SH3GL1: variants seen among roughly 807,000 people sequenced by gnomAD.
SH3GL1 encodes the protein endophilin-A2.
SH3GL1 carries 21 observed loss-of-function variants against 48.8 expected under a neutral mutation model. The observed-to-expected ratio is 0.43, with a 90% CI of 0.30 to 0.62. SH3GL1 has a LOEUF of 0.62. SH3GL1 is among the 20% of genes least tolerant of loss of function. The pLI is 0.11. For synonymous variants in SH3GL1, 282 were observed against 217.5 expected (o/e 1.30, Z -2.61); for missense variants, 454 against 503.0 (o/e 0.90, Z 0.93).
chr19:4,363,624 G>C (rs769379486), intron 6 of SH3GL1, 96 bp downstream of exon 6: 173 of 1,535,758 alleles, frequency 1.1e-4, no homozygotes, highest in Non-Finnish European at 1.5e-4. Context: ...GCAGCGGCCA[G>C]GTAGGTGCCG....
intron 1 of SH3GL1, among the ~76,000 whole-genome samples, chr19:4,381,058 CCTCTCTGTCCCCCTGCCT>C (rs1420390114): frequency 2.8e-5 from 4 of 143,810 alleles, no homozygotes; most frequent in African/African-American, 7.8e-5. Flanking sequence ...GTTCCCCCAG[CCTCTCTGTCCCCCTGCCT>C]CTCTCTGTCC....
In SH3GL1 at chr19:4,361,630, G is replaced by A. The variant is rs758130730; in HGVS notation, c.1077C>T (p.Tyr359=). The change falls in exon 10 of 10, where the codon TAC becomes TAT. Residue 359 remains tyrosine, a synonymous_variant. Transcript: ENST00000269886. The stretch of plus-strand genomic sequence containing the variant: ...GCGGCAGGGGCACAAGCACCTCCAC[G>A]TAGCTGAGCGGGAAGAAGCCCGACT... ...DGQSGFFPLS[Y]VEVLVPLPQ is the part of the protein sequence containing the mutation. 46 of 1,606,234 alleles carry A rather than the reference G, an allele frequency of 2.9e-5. No homozygotes were observed. The highest frequency in any genetic ancestry group is 1.6e-4 in the Middle Eastern group (1 of 6,074).
intron 1 of SH3GL1, among the ~76,000 whole-genome samples, chr19:4,381,788 G>T (rs543967151): frequency 1.0e-4 from 15 of 144,524 alleles, no homozygotes; most frequent in African/African-American, 3.9e-4. Flanking sequence ...CACCTCCCGG[G>T]TTCACAACAT....
chr19:4,364,633 A>G, intron 4 of SH3GL1: 1 of 217,740 alleles, frequency 4.6e-6, no homozygotes, highest in Non-Finnish European at 9.4e-6. Flanking sequence ...GTTTCACCAT[A>G]TAGACCACAC....
intron 7 of SH3GL1, 99 bp downstream of exon 7, chr19:4,363,271 T>C (rs1407684784): frequency 6.6e-6 from 6 of 904,954 alleles, no homozygotes; most frequent in Middle Eastern, 3.2e-4. Flanking sequence ...GATGCTGCTC[T>C]GCCATGTGCT....
intron 1 of SH3GL1, among the ~76,000 whole-genome samples, chr19:4,368,223 C>T (rs1221322386): frequency 6.6e-6 from 1 of 152,226 alleles, no homozygotes; most frequent in Non-Finnish European, 1.5e-5. Context: ...CAAGACGTGG[C>T]CAAGGGATGC....
chr19:4,362,225 C>T (rs1972637363), intron 9 of SH3GL1, 104 bp downstream of exon 9: 1 of 1,208,506 alleles, frequency 8.3e-7, no homozygotes, highest in Non-Finnish European at 1.2e-6. Flanking sequence ...GAGCCTGGCC[C>T]CTCCCTGCTT....
At chr19:4,372,632 G>C (rs1972924948) in intron 1 of SH3GL1, among the ~76,000 whole-genome samples, 1 of 152,190 alleles carries the variant, frequency 6.6e-6, no homozygotes, top group Admixed American at 6.5e-5. Flanking sequence ...CTTTCCATCT[G>C]CAACGCCCTT....
intron 1 of SH3GL1, among the ~76,000 whole-genome samples, chr19:4,396,682 G>T (rs1455731447): frequency 6.6e-6 from 1 of 151,940 alleles, no homozygotes; most frequent in African/African-American, 2.4e-5. Flanking sequence ...TTCAAGCAGG[G>T]TTTCTCAAAT....
intron 1 of SH3GL1, among the ~76,000 whole-genome samples, chr19:4,379,437 A>T (rs554104810): frequency 1.2e-4 from 19 of 152,084 alleles, no homozygotes; most frequent in Non-Finnish European, 1.6e-4. Context: ...AAAAAAAAAA[A>T]AAAATAAAGC....
At chr19:4,366,813 G>C in intron 2 of SH3GL1, 113 bp downstream of exon 2, 1 of 1,109,600 alleles carries the variant, frequency 9.0e-7, no homozygotes, top group Non-Finnish European at 1.4e-6. Flanking sequence ...ACACCTGCCG[G>C]GCCCCATCAC....
chr19:4,375,513 A>G (rs1972989973), intron 1 of SH3GL1, among the ~76,000 whole-genome samples: 1 of 152,214 alleles, frequency 6.6e-6, no homozygotes, highest in African/African-American at 2.4e-5. Flanking sequence ...AGGCCTGCCA[A>G]CCAGGGGGCT....
At chr19:4,382,403 G>A (rs1280798383) in intron 1 of SH3GL1, among the ~76,000 whole-genome samples, 4 of 151,592 alleles carry the variant, frequency 2.6e-5, no homozygotes, top group East Asian at 2.0e-4. Flanking sequence ...GACTACAGGC[G>A]CCCACTACCA....
chr19:4,371,702 T>C (rs532049202), intron 1 of SH3GL1, among the ~76,000 whole-genome samples: 53 of 152,310 alleles, frequency 3.5e-4, no homozygotes, highest in Middle Eastern at 3.4e-3. Flanking sequence ...GCTGTGGTGC[T>C]TGGTAATTTC....
In SH3GL1 at chr19:4,362,713, G is replaced by A; in HGVS notation, c.752C>T (p.Pro251Leu). 4 of 1,614,024 alleles carry A rather than the reference G, an allele frequency of 2.5e-6. No individual in the cohort carries two copies. Among genetic ancestry groups the A allele is most frequent in the Non-Finnish European group, 3.4e-6 (4 of 1,180,020 alleles). The change falls in exon 8 of 10, where the codon CCT becomes CTT. Residue 251 changes from proline (P) to leucine (L), a missense_variant. Physicochemically the swap from Pro to Leu is moderately conservative, Grantham distance 98. Coordinates refer to ENST00000269886, the MANE Select transcript of SH3GL1 (RefSeq NM_003025.4). ...GGGCTTGGGCTTATACTCCCGCTTA[G>A]GGCGTGAGGAAGCTTCCCGCATCCT... ...KRRMREASSR[P>L]KREYKPKPRE...
intron 7 of SH3GL1, 41 bp downstream of exon 7, chr19:4,363,329 T>C (rs751561176): frequency 2.0e-5 from 30 of 1,475,062 alleles, no homozygotes; most frequent in East Asian, 2.4e-5. Context: ...AGAGGGCGCA[T>C]GGCAGCCCAG....
At chr19:4,394,361 GCC>G (rs1973389624) in intron 1 of SH3GL1, among the ~76,000 whole-genome samples, 1 of 152,184 alleles carries the variant, frequency 6.6e-6, no homozygotes, top group African/African-American at 2.4e-5. Flanking sequence ...GCGCACGGAT[GCC>G]AGGAGGCTCT....
rs58263818 is a variant in SH3GL1 at position 4,399,319 on chromosome 19, CAAAAAA to C, written c.45+999_45+1004del. Among the ~76,000 whole-genome samples the C allele has an allele frequency of 1.4e-3, 68 of 49,624 alleles. 2 individuals are homozygous for C. The highest frequency in any genetic ancestry group is 1.1e-3 in the South Asian group (1 of 912). 32.6% of individuals were successfully genotyped at this position (49,624 alleles called of 152,430 possible). On this transcript the variant is annotated intron_variant, in intron 1 of 9. Transcript: ENST00000269886. Reference sequence around the variant, plus strand: ...GGGGCGACAGAGCATGACTCCCTCTCAAAAAAAAAAAAAAAAAAAAAAATCCAAGAA... The same window carrying C: ...GGGGCGACAGAGCATGACTCCCTCTCAAAAAAAAAAAAAAAAATCCAAGAA...
intron 1 of SH3GL1, among the ~76,000 whole-genome samples, chr19:4,381,746 G>A (rs1021885992): frequency 2.4e-5 from 3 of 125,274 alleles, no homozygotes; most frequent in African/African-American, 9.3e-5. Flanking sequence ...TAGCTGGAGT[G>A]CAGTGGCGCG....
Sources: gnomAD v4.1 joint callset for allele counts (sites outside exome capture counted in the v4.1 genomes callset) on GRCh38, gnomAD v4.1.1 for gene constraint, MANE v1.5 for transcripts, NCBI Gene and HGNC (gene_info 2026-07-23, HGNC 2026-07-21) for gene names.